Variants in MMP16 observed in about 807,000 individuals in gnomAD.
MMP16 encodes matrix metallopeptidase 16, also known as matrix metalloproteinase-16.
A neutral mutation model predicts 67.8 loss-of-function variants in MMP16; 12 were observed. The ratio of observed to expected loss-of-function variants is 0.18; its 90% CI spans 0.11 to 0.29. The LOEUF (loss-of-function observed/expected upper bound fraction) is 0.29. Among genes scored for constraint, MMP16 ranks in the 10% least tolerant of loss-of-function variants. MMP16 has a pLI of 1.00. For synonymous variants in MMP16, 249 were observed against 255.9 expected (o/e 0.97, Z 0.26); for missense variants, 475 against 765.7 (o/e 0.62, Z 4.48).
intron 1 of MMP16, among the ~76,000 whole-genome samples, chr8:88,204,234 T>C (rs1213586798): frequency 6.6e-6 from 1 of 152,156 alleles, no homozygotes; most frequent in Non-Finnish European, 1.5e-5. Context: ...AATGAACTGA[T>C]AGACATCAGA....
intron 1 of MMP16, among the ~76,000 whole-genome samples, chr8:88,224,851 A>G (rs1350923652): frequency 7.9e-5 from 12 of 152,170 alleles, no homozygotes; most frequent in Admixed American, 7.2e-4. Flanking sequence ...ATAGGATTAA[A>G]GTAGACAGTA....
At chr8:88,143,324 A>C (rs1365123387) in intron 4 of MMP16, among the ~76,000 whole-genome samples, 1 of 152,140 alleles carries the variant, frequency 6.6e-6, no homozygotes, top group Non-Finnish European at 1.5e-5. Context: ...TAATAAACCT[A>C]GATAAAGAGA....
chr8:88,162,773 CTCTG>C (rs1163730258), intron 4 of MMP16, among the ~76,000 whole-genome samples: 3 of 151,990 alleles, frequency 2.0e-5, no homozygotes, highest in Admixed American at 1.3e-4. Flanking sequence ...TCCCTTCACT[CTCTG>C]TCTCTCTGTC....
At chr8:88,075,953 A>ACACACACACACACACT (rs1808643024) in intron 6 of MMP16, among the ~76,000 whole-genome samples, 1 of 150,960 alleles carries the variant, frequency 6.6e-6, no homozygotes, top group Admixed American at 6.6e-5. Context: ...ACACACACAC[A>ACACACACACACACACT]CACACACACA....
intron 7 of MMP16, among the ~76,000 whole-genome samples, chr8:88,070,936 T>C (rs1189349804): frequency 2.6e-5 from 4 of 152,158 alleles, no homozygotes; most frequent in Admixed American, 1.3e-4. Flanking sequence ...TAGTGCACTA[T>C]TATGTAATAT....
intron 1 of MMP16, among the ~76,000 whole-genome samples, chr8:88,323,645 T>C (rs983671844): frequency 1.3e-5 from 2 of 152,172 alleles, no homozygotes; most frequent in African/African-American, 4.8e-5. Context: ...AAATGTATGC[T>C]ATTGTTTAGA....
At chr8:88,149,503 G>A (rs1218559922) in intron 4 of MMP16, among the ~76,000 whole-genome samples, 1 of 152,182 alleles carries the variant, frequency 6.6e-6, no homozygotes, top group Non-Finnish European at 1.5e-5. Flanking sequence ...CCAGCACGCG[G>A]CTGGAGATCT....
intron 9 of MMP16, among the ~76,000 whole-genome samples, chr8:88,042,193 T>C (rs974643883): frequency 2.6e-5 from 4 of 152,218 alleles, no homozygotes; most frequent in Non-Finnish European, 5.9e-5. Flanking sequence ...AACAGCCTTA[T>C]AAACTGAAAC....
At chr8:88,092,224 T>C (rs943414611) in intron 6 of MMP16, among the ~76,000 whole-genome samples, 6 of 150,118 alleles carry the variant, frequency 4.0e-5, no homozygotes, top group Non-Finnish European at 8.8e-5. Flanking sequence ...ATAGGCTCTA[T>C]GGCTATAACT....
intron 4 of MMP16, among the ~76,000 whole-genome samples, chr8:88,156,694 C>T (rs1808514869): frequency 6.6e-6 from 1 of 151,380 alleles, no homozygotes; most frequent in African/African-American, 2.4e-5. Flanking sequence ...TTAATTCAGA[C>T]CAATTGGATT....
At chr8:88,250,906 T>G (rs1406006876) in intron 1 of MMP16, among the ~76,000 whole-genome samples, 1 of 151,312 alleles carries the variant, frequency 6.6e-6, no homozygotes, top group Non-Finnish European at 1.5e-5. Context: ...TAGTTATATC[T>G]CCCAATGCTA....
intron 2 of MMP16, among the ~76,000 whole-genome samples, chr8:88,191,774 A>G (rs931010969): frequency 3.3e-5 from 5 of 152,216 alleles, no homozygotes; most frequent in Non-Finnish European, 5.9e-5. Context: ...AAGGCCACTC[A>G]CTGCATGACT....
chr8:88,153,354 G>A (rs1808444112), intron 4 of MMP16, among the ~76,000 whole-genome samples: 1 of 151,912 alleles, frequency 6.6e-6, no homozygotes, highest in African/African-American at 2.4e-5. Context: ...TCACAGAATT[G>A]GAAAAAACTA....
rs1411861780 is a variant in MMP16, at chr8:88,040,094, A to T, written c.*1367T>A. On this transcript the variant is annotated 3_prime_UTR_variant, in exon 10 of 10. Transcript: ENST00000286614. ...TAACTGCATATACCAAGGCAAATTGAATTTTCATGCAATGGATTTTAAAAC... is the reference window on the plus strand; with the variant it reads ...TAACTGCATATACCAAGGCAAATTGTATTTTCATGCAATGGATTTTAAAAC... The T allele has an allele frequency of 6.6e-6, 1 of 152,612 alleles. No individual in the cohort carries two copies. Among genetic ancestry groups the T allele is most frequent in the Non-Finnish European group, 1.5e-5 (1 of 68,036 alleles). The allele number at this position is 152,612 out of a possible 1,614,324, so 9.5% of individuals were successfully genotyped here. A position where few individuals can be genotyped will look rare whatever the true frequency, so the allele number is the denominator to read the frequency against.
At chr8:88,114,591 A>T (rs1809397544) in intron 6 of MMP16, among the ~76,000 whole-genome samples, 1 of 152,062 alleles carries the variant, frequency 6.6e-6, no homozygotes, top group African/African-American at 2.4e-5. Flanking sequence ...GATAAAAACA[A>T]AAAGTATGAA....
intron 1 of MMP16, among the ~76,000 whole-genome samples, chr8:88,244,984 T>C (rs779953771): frequency 2.6e-5 from 4 of 152,110 alleles, no homozygotes; most frequent in Non-Finnish European, 5.9e-5. Flanking sequence ...CACCAATACA[T>C]AGAAATTGAG....
intron 5 of MMP16, 79 bp from the exon 6 acceptor site, chr8:88,116,797 C>T (rs1809445205): frequency 2.3e-6 from 3 of 1,284,768 alleles, no homozygotes; most frequent in Admixed American, 1.8e-5. Flanking sequence ...AGAACAATCA[C>T]TTATCAGCAG....
chr8:88,241,931 T>C (rs913573126), intron 1 of MMP16, among the ~76,000 whole-genome samples: 2 of 152,154 alleles, frequency 1.3e-5, no homozygotes, highest in African/African-American at 4.8e-5. Context: ...TATGAAAAGA[T>C]ATCAAGGGCA....
intron 1 of MMP16, among the ~76,000 whole-genome samples, chr8:88,307,410 A>G (rs1255994267): frequency 6.6e-6 from 1 of 152,078 alleles, no homozygotes; most frequent in Non-Finnish European, 1.5e-5. Flanking sequence ...TTGTGATAGG[A>G]GGAAGCAACC....
Sources: gnomAD v4.1 joint callset for allele counts (sites outside exome capture counted in the v4.1 genomes callset) on GRCh38, gnomAD v4.1.1 for gene constraint, MANE v1.5 for transcripts, NCBI Gene and HGNC (gene_info 2026-07-23, HGNC 2026-07-21) for gene names.